ROBO2: variants seen among roughly 807,000 people sequenced by gnomAD.
ROBO2 encodes the protein roundabout guidance receptor 2.
ROBO2 carries 53 observed loss-of-function variants against 160.8 expected under a neutral mutation model. The observed-to-expected ratio is 0.33, with a 90% CI of 0.26 to 0.41. ROBO2 has a LOEUF of 0.41. Ranked by LOEUF, ROBO2 falls within the 10% of genes least tolerant of loss-of-function variation. The pLI, the probability that ROBO2 is intolerant of heterozygous loss-of-function variation, is 1.00. For missense variants in ROBO2, 1,577 were observed against 1,722.4 expected (o/e 0.92, Z 1.49); for synonymous variants, 664 against 611.7 (o/e 1.09, Z -1.26).
chr3:76,891,999 G>A (rs565442072), intron 2 of ROBO2, among the ~76,000 whole-genome samples: 1 of 152,188 alleles, frequency 6.6e-6, no homozygotes, highest in South Asian at 2.1e-4. Flanking sequence ...GAAAGCCTCT[G>A]TGTAGGAGGT....
At chr3:76,091,425 C>T (rs1280506895) in intron 2 of ROBO2, among the ~76,000 whole-genome samples, 2 of 152,102 alleles carry the variant, frequency 1.3e-5, no homozygotes, top group African/African-American at 4.8e-5. Flanking sequence ...ACTGACACCA[C>T]CAAATGCTGA....
chr3:77,444,214 T>A (rs1376511515), intron 2 of ROBO2, among the ~76,000 whole-genome samples: 1 of 152,222 alleles, frequency 6.6e-6, no homozygotes, highest in Non-Finnish European at 1.5e-5. Flanking sequence ...CATAAATAAA[T>A]GTAGGTTCAC....
chr3:76,286,284 T>C (rs1189645569), intron 2 of ROBO2, among the ~76,000 whole-genome samples: 1 of 152,108 alleles, frequency 6.6e-6, no homozygotes, highest in Non-Finnish European at 1.5e-5. Flanking sequence ...GAAAACTATA[T>C]AGATGAAACA....
At chr3:77,020,404 T>C (rs1240494401) in intron 2 of ROBO2, among the ~76,000 whole-genome samples, 1 of 152,208 alleles carries the variant, frequency 6.6e-6, no homozygotes, top group Non-Finnish European at 1.5e-5. Flanking sequence ...TTGCAATGCA[T>C]GTTAGAAAAC....
At chr3:76,983,105 G>C (rs1045448062) in intron 2 of ROBO2, among the ~76,000 whole-genome samples, 16 of 152,050 alleles carry the variant, frequency 1.1e-4, no homozygotes, top group Middle Eastern at 3.4e-3. Flanking sequence ...CCAACATGGT[G>C]AAACCCCATC....
chr3:77,170,692 G>T (rs909092080), intron 2 of ROBO2, among the ~76,000 whole-genome samples: 2 of 151,948 alleles, frequency 1.3e-5, no homozygotes, highest in African/African-American at 2.4e-5. Context: ...TTTAAAGAGG[G>T]GCAGTGGAAA....
Position 76,077,782 on chromosome 3 carries a change from G to T in ROBO2, c.109+140180G>T, listed in dbSNP as rs571401411. Among the ~76,000 whole-genome samples the T allele has an allele frequency of 5.9e-4, 90 of 152,180 alleles. No homozygotes were observed. In the South Asian group the frequency reaches 0.018, roughly 31 times the overall value. ...TAAACATTAAAATACATTAGATTTT[G>T]AGTTGCAATGGAAAAGTAGGAAAAA... On this transcript the variant is annotated intron_variant, in intron 2 of 26. Transcript: ENST00000487694.
intron 1 of ROBO2, among the ~76,000 whole-genome samples, chr3:75,924,942 C>A (rs1355530651): frequency 6.6e-6 from 1 of 151,626 alleles, no homozygotes; most frequent in African/African-American, 2.4e-5. Context: ...CCCGCCTCGG[C>A]CTCCCAAAGT....
intron 2 of ROBO2, among the ~76,000 whole-genome samples, chr3:77,136,327 A>C (rs193016290): frequency 6.6e-6 from 1 of 152,242 alleles, no homozygotes; most frequent in South Asian, 2.1e-4. Flanking sequence ...AGATTTTTAT[A>C]AATTAGCTTC....
chr3:77,115,109 A>G (rs896282044), intron 2 of ROBO2, among the ~76,000 whole-genome samples: 1 of 152,152 alleles, frequency 6.6e-6, no homozygotes, highest in South Asian at 2.1e-4. Context: ...AAAATTACCA[A>G]CAGAAATAAA....
In ROBO2 at chr3:77,602,105, A is replaced by T. The variant is rs2094441105; in HGVS notation, c.2855-105A>T. On this transcript the variant is annotated intron_variant, in intron 19 of 25. Transcript: ENST00000461745. The stretch of plus-strand genomic sequence containing the variant: ...GGCTCATGAAGCCCATCTCAGCTGA[A>T]ATGCAAACGTGCAGTGTGACACACT... 17 of 1,168,990 alleles carry T rather than the reference A, an allele frequency of 1.5e-5. No individual in the cohort carries two copies. The Admixed American group carries it at 3.0e-4, about 21-fold the overall frequency. The allele number at this position is 1,168,990 out of a possible 1,614,324, so 72.4% of individuals were successfully genotyped here. A position where few individuals can be genotyped will look rare whatever the true frequency, so the allele number is the denominator to read the frequency against.
chr3:76,141,262 A>T (rs1258899292), intron 2 of ROBO2, among the ~76,000 whole-genome samples: 1 of 143,522 alleles, frequency 7.0e-6, no homozygotes, highest in Non-Finnish European at 1.5e-5. Flanking sequence ...GAAATGATTC[A>T]TGGAAGAAGC....
chr3:76,416,440 T>G (rs555485455), intron 2 of ROBO2, among the ~76,000 whole-genome samples: 1 of 152,190 alleles, frequency 6.6e-6, no homozygotes, highest in African/African-American at 2.4e-5. Context: ...GGGAAATAAT[T>G]TACATCAGAA....
At chr3:76,314,100 G>A (rs1454752782) in intron 2 of ROBO2, among the ~76,000 whole-genome samples, 1 of 152,158 alleles carries the variant, frequency 6.6e-6, no homozygotes, top group Admixed American at 6.5e-5. Context: ...ATATAGGTTA[G>A]TAGGCCAGCA....
At chr3:77,018,839 G>A (rs1292009561) in intron 2 of ROBO2, among the ~76,000 whole-genome samples, 1 of 152,158 alleles carries the variant, frequency 6.6e-6, no homozygotes, top group African/African-American at 2.4e-5. Context: ...CCAGAATGGT[G>A]GTTGACAGAG....
chr3:76,279,823 C>G (rs1708136771), intron 2 of ROBO2, among the ~76,000 whole-genome samples: 2 of 151,868 alleles, frequency 1.3e-5, no homozygotes, highest in Non-Finnish European at 2.9e-5. Context: ...GCAATTTAAT[C>G]TTGACTATGA....
chr3:77,081,760 A>G (rs1250141058), intron 1 of ROBO2, among the ~76,000 whole-genome samples: 1 of 152,218 alleles, frequency 6.6e-6, no homozygotes, highest in African/African-American at 2.4e-5. Context: ...GAAGTGCTAT[A>G]TAGCTATAAA....
At chr3:76,569,203 C>T (rs900931938) in intron 2 of ROBO2, among the ~76,000 whole-genome samples, 12 of 152,010 alleles carry the variant, frequency 7.9e-5, no homozygotes, top group African/African-American at 2.7e-4. Flanking sequence ...CAATCTCAGT[C>T]TAAAACAGTT....
chr3:77,513,957 T>C (rs926261914), intron 5 of ROBO2, among the ~76,000 whole-genome samples: 28 of 151,812 alleles, frequency 1.8e-4, no homozygotes, highest in African/African-American at 6.8e-4. Context: ...CAACAATGAC[T>C]GCATTTATTT....
Sources: gnomAD v4.1 joint callset for allele counts (sites outside exome capture counted in the v4.1 genomes callset) on GRCh38, gnomAD v4.1.1 for gene constraint, MANE v1.5 for transcripts, NCBI Gene and HGNC (gene_info 2026-07-23, HGNC 2026-07-21) for gene names.